Variants in DAB1 observed in about 807,000 individuals in gnomAD.
DAB1 encodes disabled homolog 1.
A neutral mutation model predicts 64.6 loss-of-function variants in DAB1; 15 were observed. That is an observed-to-expected ratio of 0.23 (90% CI 0.16 to 0.36). The LOEUF (loss-of-function observed/expected upper bound fraction) is 0.36. Ranked by LOEUF, DAB1 falls within the 10% of genes least tolerant of loss-of-function variation. DAB1 has a pLI of 1.00. For missense variants in DAB1, 596 were observed against 706.7 expected (o/e 0.84, Z 1.78); for synonymous variants, 235 against 251.9 (o/e 0.93, Z 0.64).
intron 3 of DAB1, among the ~76,000 whole-genome samples, chr1:58,493,096 G>A (rs993276061): frequency 3.3e-5 from 5 of 152,178 alleles, no homozygotes; most frequent in Non-Finnish European, 5.9e-5. Context: ...TCCCTGGGAT[G>A]CAAGGCTGGT....
At chr1:57,299,256 A>G (rs552797521) in intron 1 of DAB1, among the ~76,000 whole-genome samples, 38 of 152,232 alleles carry the variant, frequency 2.5e-4, no homozygotes, top group Non-Finnish European at 5.1e-4. Flanking sequence ...AAACAAACTA[A>G]TCTTTTTTAT....
chr1:58,122,447 T>A (rs1197578323), intron 5 of DAB1, among the ~76,000 whole-genome samples: 8 of 152,170 alleles, frequency 5.3e-5, no homozygotes, highest in African/African-American at 1.9e-4. Context: ...AACTCCCACC[T>A]TGCAGCTTTG....
intron 2 of DAB1, among the ~76,000 whole-genome samples, chr1:57,287,636 T>C (rs1229979623): frequency 6.6e-6 from 1 of 152,160 alleles, no homozygotes; most frequent in Non-Finnish European, 1.5e-5. Context: ...AAATTCAATA[T>C]CAGTATATAA....
chr1:57,508,986 C>T (rs1187325368), intron 7 of DAB1, among the ~76,000 whole-genome samples: 1 of 151,136 alleles, frequency 6.6e-6, no homozygotes, highest in Non-Finnish European at 1.5e-5. Flanking sequence ...TATGCATATA[C>T]ATATATAAAA....
intron 1 of DAB1, among the ~76,000 whole-genome samples, chr1:57,854,060 CA>C (rs1162037818): frequency 6.6e-6 from 1 of 152,014 alleles, no homozygotes; most frequent in African/African-American, 2.4e-5. Flanking sequence ...ACTGTTTCTA[CA>C]AAAATAGACT....
At chr1:57,495,373 TATC>T (rs1361227486) in intron 7 of DAB1, among the ~76,000 whole-genome samples, 1 of 152,196 alleles carries the variant, frequency 6.6e-6, no homozygotes, top group African/African-American at 2.4e-5. Flanking sequence ...TGTATCCAAA[TATC>T]ATGCTGCACT....
At chr1:58,445,155 T>G (rs1645051841) in intron 3 of DAB1, among the ~76,000 whole-genome samples, 1 of 152,212 alleles carries the variant, frequency 6.6e-6, no homozygotes, top group South Asian at 2.1e-4. Flanking sequence ...CTAACCTCTC[T>G]AAGCCCCATT....
chr1:57,431,131 T>G (rs1570511241), intron 7 of DAB1, among the ~76,000 whole-genome samples: 1 of 88,810 alleles, frequency 1.1e-5, no homozygotes. Flanking sequence ...AAAAAGTATT[T>G]CAGGCCAAAA....
rs889104683 is a variant in DAB1 at position 57,672,750 on chromosome 1, A to G, written n.552-23085T>C. Among the ~76,000 whole-genome samples the G allele has an allele frequency of 1.6e-4, 25 of 152,226 alleles. 2 individuals are homozygous for G. The highest frequency in any genetic ancestry group is 6.0e-4 in the African/African-American group (25 of 41,546). ...CAGGACCTCCCAACTCTCTGACACT[A>G]AGCTTACCCTTAATATAGCACTTAT... On this transcript the variant is annotated intron_variant and non_coding_transcript_variant, in intron 6 of 20. Coordinates refer to the DAB1 transcript ENST00000485760.
At position 57,312,579 on chromosome 1, in the gene DAB1, A is replaced by G. The variant is rs1279066504; in HGVS notation, c.-136-21413T>C. Reference sequence around the variant, plus strand: ...TGTCACATCATAAGTGAAATGCCATAGGGAACATCACCAGGGCCCAGGCTA... The same window carrying G: ...TGTCACATCATAAGTGAAATGCCATGGGGAACATCACCAGGGCCCAGGCTA... On this transcript the variant is annotated intron_variant, in intron 1 of 14. Coordinates refer to ENST00000371236, the MANE Select transcript of DAB1 (RefSeq NM_001365792.1). 4.6e-5 allele frequency among the ~76,000 whole-genome samples: 7 copies of G among 152,368 alleles called. No homozygotes were observed. The East Asian group carries it at 1.3e-3, about 29-fold the overall frequency.
chr1:57,559,857 G>A (rs115619324), intron 7 of DAB1, among the ~76,000 whole-genome samples: 4,494 of 152,288 alleles, frequency 0.03, 175 homozygotes, highest in Admixed American at 0.12. Flanking sequence ...TCGCATCCTT[G>A]GAGGGATTGC....
At position 57,373,038 on chromosome 1, in the gene DAB1, G is replaced by A. The variant is rs147747418; in HGVS notation, c.-137+50892C>T. ...GAAAAAAAAAAAAATCCAAAAATTA[G>A]CTGGGCATGGTGGCATGCACCTGTA... is the stretch of plus-strand genomic sequence containing the variant. On this transcript the variant is annotated intron_variant, in intron 1 of 14. Transcript: ENST00000371236. Among the ~76,000 whole-genome samples, 817 of 151,762 alleles carry A rather than the reference G, an allele frequency of 5.4e-3. 9 individuals are homozygous for A. Among genetic ancestry groups the A allele is most frequent in the African/African-American group, 0.018 (752 of 41,356 alleles).
chr1:57,455,734 C>T (rs1270621353), intron 7 of DAB1, among the ~76,000 whole-genome samples: 2 of 152,106 alleles, frequency 1.3e-5, no homozygotes, highest in South Asian at 4.1e-4. Context: ...CTCCACATCA[C>T]CAAGCTGCAT....
intron 4 of DAB1, among the ~76,000 whole-genome samples, chr1:58,317,269 A>G (rs1662577898): frequency 6.6e-6 from 1 of 152,240 alleles, no homozygotes; most frequent in Admixed American, 6.5e-5. Flanking sequence ...CCTAATGTCC[A>G]TAATGCCCAC....
intron 8 of DAB1, among the ~76,000 whole-genome samples, chr1:57,068,841 C>T (rs1339675539): frequency 1.3e-5 from 2 of 152,140 alleles, no homozygotes; most frequent in East Asian, 3.9e-4. Flanking sequence ...TAGTTTATAA[C>T]ATCTTCATGA....
At chr1:58,231,867 A>T (rs1659790182) in intron 4 of DAB1, among the ~76,000 whole-genome samples, 1 of 152,180 alleles carries the variant, frequency 6.6e-6, no homozygotes, top group Admixed American at 6.5e-5. Flanking sequence ...TCTTCATAAC[A>T]GCCAGTGATA....
At chr1:57,716,464 A>C (rs1647085192) in intron 6 of DAB1, among the ~76,000 whole-genome samples, 1 of 152,208 alleles carries the variant, frequency 6.6e-6, no homozygotes, top group Non-Finnish European at 1.5e-5. Flanking sequence ...TTTTTAACAA[A>C]GGTGCGAAAA....
intron 7 of DAB1, among the ~76,000 whole-genome samples, chr1:57,070,095 C>G (rs948011632): frequency 6.6e-6 from 1 of 152,188 alleles, no homozygotes; most frequent in African/African-American, 2.4e-5. Flanking sequence ...GCATCTTTGG[C>G]TTTTGTTTGC....
intron 5 of DAB1, among the ~76,000 whole-genome samples, chr1:58,000,602 G>A (rs577950581): frequency 7.6e-5 from 9 of 118,212 alleles, no homozygotes; most frequent in African/African-American, 3.0e-4. Flanking sequence ...ACAGAGTCTC[G>A]CTCTGTCAGC....
Sources: allele counts gnomAD v4.1 joint callset (sites outside exome capture counted in the v4.1 genomes callset), GRCh38; gene constraint gnomAD v4.1.1; transcripts MANE v1.5; gene names NCBI Gene and HGNC (gene_info 2026-07-23, HGNC 2026-07-21).